Variants in BOK observed in about 807,000 individuals in gnomAD.
The protein encoded by BOK is BCL2 family apoptosis regulator BOK.
Under a neutral mutation model 18.3 loss-of-function variants are expected in BOK, and 20 were observed. That is an observed-to-expected ratio of 1.09 (90% CI 0.77 to 1.59). BOK has a LOEUF of 1.59. BOK is among the 40% of genes most tolerant of loss of function. The pLI is 0.00. For synonymous variants in BOK, 173 were observed against 142.4 expected, an observed-to-expected ratio of 1.21 and a Z score of -1.53; for missense variants, 348 against 307.9, an observed-to-expected ratio of 1.13 and a Z score of -0.97.
Position 241,567,543 on chromosome 2 carries a change from G to A in BOK, c.350-2582G>A, listed in dbSNP as rs1046264771. Among the ~76,000 whole-genome samples, 5 of 135,348 alleles carry A rather than the reference G, an allele frequency of 3.7e-5. 1 individual carries two copies. In the East Asian group the frequency reaches 1.1e-3, roughly 29 times the overall value. The allele number at this position is 135,348 out of a possible 152,430, so 88.8% of individuals were successfully genotyped here. ...TGGCCGTGCCCTTGAAGGAGGAACA[G>A]CCCCACGTGCTGGGGAAGTGCAGCG... On this transcript the variant is annotated intron_variant, in intron 3 of 4. Transcript: ENST00000318407.
chr2:241,560,324 C>CCCAGCTG, intron 2 of BOK: 1 of 972,512 alleles, frequency 1.0e-6, no homozygotes, highest in Non-Finnish European at 1.2e-6. Flanking sequence ...CTCACCACAG[C>CCCAGCTG]TGGGCTGTGG....
chr2:241,561,076 C>T (rs1056418177), intron 2 of BOK, among the ~76,000 whole-genome samples: 4 of 152,350 alleles, frequency 2.6e-5, no homozygotes, highest in East Asian at 1.9e-4. Flanking sequence ...TGTCGTCCCC[C>T]GCCCCCAGCC....
upstream of BOK, among the ~76,000 whole-genome samples, chr2:241,557,230 C>T (rs954430382): frequency 3.3e-5 from 5 of 151,216 alleles, no homozygotes; most frequent in Non-Finnish European, 4.4e-5. Flanking sequence ...TTTATTATTT[C>T]CTTTCATCTT....
At chr2:241,565,562 C>G (rs533809174) in intron 3 of BOK, among the ~76,000 whole-genome samples, 1 of 97,054 alleles carries the variant, frequency 1.0e-5, no homozygotes, top group Admixed American at 1.2e-4. Flanking sequence ...CATCCCTGCA[C>G]GCTCTGACCC....
intron 4 of BOK, among the ~76,000 whole-genome samples, 185 bp from the exon 5 acceptor site, chr2:241,572,112 G>C (rs2066733583): frequency 6.6e-6 from 1 of 152,262 alleles, no homozygotes; most frequent in Non-Finnish European, 1.5e-5. Context: ...AATGTGCACG[G>C]CATCGGGTCT....
At position 241,562,437 on chromosome 2, in the gene BOK, G is replaced by A. The variant is rs200898291; in HGVS notation, c.310G>A (p.Asp104Asn). 2.2e-5 allele frequency: 35 copies of A among 1,612,138 alleles called. No individual in the cohort carries two copies. In the East Asian group the frequency reaches 2.2e-4, roughly 10 times the overall value. Residue 104 changes from aspartate to asparagine, a missense_variant, in exon 3 of 5, where the codon GAT (aspartate) becomes AAT (asparagine). Coordinates refer to ENST00000318407, the MANE Select transcript of BOK (RefSeq NM_032515.5). The surrounding 1 kb of genome is among the most constrained non-coding windows in gnomAD (Gnocchi z 4.5). ...ISLQSEPVVT[D>N]AFLAVAGHIF... The stretch of plus-strand genomic sequence containing the variant: ...CCTGCAGTCTGAGCCTGTGGTGACC[G>A]ATGCGTTCCTGGCCGTGGCTGGCCA...
At chr2:241,566,924 G>T (rs2066625659) in intron 3 of BOK, among the ~76,000 whole-genome samples, 1 of 134,114 alleles carries the variant, frequency 7.5e-6, no homozygotes, top group Non-Finnish European at 1.6e-5. Flanking sequence ...ATTAGATAGA[G>T]GTGATGGTTG....
At chr2:241,553,517 G>A (rs2066428865) in intron 1 of BOK, among the ~76,000 whole-genome samples, 1 of 152,196 alleles carries the variant, frequency 6.6e-6, no homozygotes, top group Non-Finnish European at 1.5e-5. Context: ...TGTACAGGAA[G>A]CATGGCTGGG....
At chr2:241,555,719 T>C (rs1243719823), upstream of BOK, among the ~76,000 whole-genome samples, 1 of 152,174 alleles carries the variant, frequency 6.6e-6, no homozygotes, top group Non-Finnish European at 1.5e-5. Flanking sequence ...CAATGTTCCA[T>C]ATTGAACATC....
chr2:241,567,693 GT>G (rs2066637052), intron 3 of BOK, among the ~76,000 whole-genome samples: 1 of 135,080 alleles, frequency 7.4e-6, no homozygotes, highest in Non-Finnish European at 1.6e-5. Flanking sequence ...TCAAACTTGG[GT>G]TTACTTTGAA....
At chr2:241,572,062 G>A (rs2066732686) in intron 4 of BOK, among the ~76,000 whole-genome samples, 1 of 152,198 alleles carries the variant, frequency 6.6e-6, no homozygotes, top group Admixed American at 6.5e-5. Context: ...GCTGCCATCT[G>A]TCCCCACCTC....
upstream of BOK, among the ~76,000 whole-genome samples, chr2:241,554,764 G>C (rs144744531): frequency 3.9e-5 from 6 of 152,354 alleles, no homozygotes; most frequent in African/African-American, 9.6e-5. Flanking sequence ...CAGATGGAAA[G>C]AGACTCCTGG....
At chr2:241,553,266 T>C (rs1431360713) in intron 1 of BOK, among the ~76,000 whole-genome samples, 2 of 152,208 alleles carry the variant, frequency 1.3e-5, no homozygotes, top group African/African-American at 4.8e-5. Flanking sequence ...TTCTCCTGCC[T>C]CAGCCTCCGG....
chr2:241,573,844 T>C lies in BOK; in HGVS notation c.*1422T>C, dbSNP rs2066761442. ...AGCCTTCCCTTGACGCCTACATTTC[T>C]AGGCACATGTGAGGCATCTTTCCTG... is the stretch of plus-strand genomic sequence containing the variant. On this transcript the variant is annotated 3_prime_UTR_variant, in exon 5 of 5. Coordinates refer to ENST00000318407, the MANE Select transcript of BOK (RefSeq NM_032515.5). The C allele has an allele frequency of 6.6e-6, 1 of 152,330 alleles. No individual in the cohort carries two copies. Among genetic ancestry groups the C allele is most frequent in the Admixed American group, 6.5e-5 (1 of 15,286 alleles). The allele number at this position is 152,330 out of a possible 1,614,324, so 9.4% of individuals were successfully genotyped here. A position where few individuals can be genotyped will look rare whatever the true frequency, so the allele number is the denominator to read the frequency against.
At chr2:241,560,236 G>A (rs1034411822) in intron 2 of BOK, 27 of 985,312 alleles carry the variant, frequency 2.7e-5, no homozygotes, top group Non-Finnish European at 3.1e-5. Context: ...GTCACACACG[G>A]TCCACTGGCT....
At position 241,570,295 on chromosome 2, in the gene BOK, G is replaced by A. The variant is rs553613549; in HGVS notation, c.513+7G>A. 2.6e-5 allele frequency: 41 copies of A among 1,548,488 alleles called. No homozygotes were observed. Among genetic ancestry groups the A allele is most frequent in the Middle Eastern group, 4.6e-4 (2 of 4,380 alleles). The stretch of plus-strand genomic sequence containing the variant: ...GCGGAGACGCGGCGGATGGGTGAGC[G>A]CCTGAGTGCCCGTGTGGGTGGGAGA... On this transcript the variant is annotated splice_region_variant and intron_variant, in intron 4 of 4. Transcript: ENST00000318407.
At chr2:241,569,323 C>CGG (rs1553549801) in intron 3 of BOK, among the ~76,000 whole-genome samples, 37,120 of 151,802 alleles carry the variant, frequency 0.24, 4,925 homozygotes, top group East Asian at 0.43. Flanking sequence ...TTAGTAGAGA[C>CGG]GGTTTCACCA....
chr2:241,570,279 C>T lies in BOK; in HGVS notation c.504C>T (p.Arg168=), dbSNP rs758756699. Residue 168 remains arginine (R), a synonymous_variant, in exon 4 of 5, where the codon CGC becomes CGT. Coordinates refer to ENST00000318407, the MANE Select transcript of BOK (RefSeq NM_032515.5). ...CCCTGGCAACCTGGCTGCGGAGACG[C>T]GGCGGATGGGTGAGCGCCTGAGTGC... ...RKTLATWLRR[R]GGWTDVLKCV... is the part of the protein sequence containing the mutation. 38 of 1,558,068 alleles carry T rather than the reference C, an allele frequency of 2.4e-5. No individual in the cohort carries two copies. Among genetic ancestry groups the T allele is most frequent in the South Asian group, 3.5e-5 (3 of 85,194 alleles).
chr2:241,557,888 C>T (rs551669063), upstream of BOK, among the ~76,000 whole-genome samples: 12 of 152,200 alleles, frequency 7.9e-5, 1 homozygote, highest in South Asian at 2.5e-3. Context: ...TGTATAAGGT[C>T]CATGATATGG....
Sources: gnomAD v4.1 joint callset for allele counts (sites outside exome capture counted in the v4.1 genomes callset) on GRCh38, gnomAD v4.1.1 for gene constraint, Gnocchi (gnomAD v3.1) non-coding constraint, MANE v1.5 for transcripts, NCBI Gene and HGNC (gene_info 2026-07-23, HGNC 2026-07-21) for gene names.